The following NSUN3 variants were observed in gnomAD, a reference collection of about 807,000 sequenced individuals.
NSUN3 encodes NOP2/Sun RNA methyltransferase 3, also known as tRNA (cytosine(34)-C(5))-methyltransferase, mitochondrial.
In NSUN3, 24 loss-of-function variants were observed where a neutral mutation model predicts 36.8. The ratio of observed to expected loss-of-function variants is 0.65; its 90% CI spans 0.47 to 0.92. The LOEUF (loss-of-function observed/expected upper bound fraction) is 0.92. Ranked by LOEUF, NSUN3 falls within the 40% of genes least tolerant of loss-of-function variation. The pLI is 0.00. For synonymous variants in NSUN3, 146 were observed against 145.2 expected (o/e 1.01, Z -0.04); for missense variants, 381 against 392.8 (o/e 0.97, Z 0.25).
chr3:94,076,102 G>A (rs771304949), intron 2 of NSUN3: 169 of 1,467,984 alleles, frequency 1.2e-4, no homozygotes, highest in Middle Eastern at 3.8e-4. Context: ...CTGGTGACCC[G>A]TCTTCTGCAT....
rs535916981 is a variant in NSUN3 at position 94,108,161 on chromosome 3, T to G, written c.743+13007T>G. On this transcript the variant is annotated intron_variant, in intron 5 of 5. Coordinates refer to ENST00000314622, the MANE Select transcript of NSUN3 (RefSeq NM_022072.5). ...AGTACAAGGAGCTCCTGTGTGCTCT[T>G]TATAGAGATTCATCAACTGTTTTAC... Among the ~76,000 whole-genome samples, 3 of 152,154 alleles carry G rather than the reference T, an allele frequency of 2.0e-5. No homozygotes were observed. In the East Asian group the frequency reaches 5.8e-4, roughly 29 times the overall value.
At position 94,127,760 on chromosome 3, in the gene NSUN3, A is replaced by G. The variant is rs1364718514; in HGVS notation, c.*1270A>G. Reference sequence around the variant, plus strand: ...GCTGAATACTTTTGAATTGTTCATTATGTTCTGTGCCTTTAAACTAGAGAC... The same window carrying G: ...GCTGAATACTTTTGAATTGTTCATTGTGTTCTGTGCCTTTAAACTAGAGAC... On this transcript the variant is annotated 3_prime_UTR_variant, in exon 6 of 6. Coordinates refer to ENST00000314622, the MANE Select transcript of NSUN3 (RefSeq NM_022072.5). 6.6e-6 allele frequency: 1 copy of G among 152,152 alleles called. No homozygotes were observed. The highest frequency in any genetic ancestry group is 1.5e-5 in the Non-Finnish European group (1 of 68,014). The allele number at this position is 152,152 out of a possible 1,614,324, so 9.4% of individuals were successfully genotyped here. A position where few individuals can be genotyped will look rare whatever the true frequency, so the allele number is the denominator to read the frequency against.
rs1461143010 is a variant in NSUN3, at chr3:94,127,700, T to G, written c.*1210T>G. ...AAAATAGCCTTTAAAAAAAAACAAC[T>G]TTATCTGATTATAGAAATACAAAAT... On this transcript the variant is annotated 3_prime_UTR_variant, in exon 6 of 6. Transcript: ENST00000314622. 1 of 152,140 alleles carries G rather than the reference T, an allele frequency of 6.6e-6. No individual in the cohort carries two copies. Among genetic ancestry groups the G allele is most frequent in the Non-Finnish European group, 1.5e-5 (1 of 68,028 alleles). 9.4% of individuals were successfully genotyped at this position (152,140 alleles called of 1,614,324 possible).
chr3:94,070,969 A>G (rs963633578), intron 2 of NSUN3, among the ~76,000 whole-genome samples: 6 of 152,238 alleles, frequency 3.9e-5, no homozygotes, highest in Admixed American at 3.9e-4. Flanking sequence ...TCAAAGTAAG[A>G]AACATTGCTA....
At chr3:94,106,755 A>G (rs2077391106) in intron 5 of NSUN3, among the ~76,000 whole-genome samples, 1 of 152,154 alleles carries the variant, frequency 6.6e-6, no homozygotes, top group African/African-American at 2.4e-5. Flanking sequence ...GATGAGAAAC[A>G]GGCAGTGGAA....
chr3:94,096,817 TC>T (rs1391095578), intron 5 of NSUN3, among the ~76,000 whole-genome samples: 7 of 152,140 alleles, frequency 4.6e-5, no homozygotes, highest in Non-Finnish European at 8.8e-5. Flanking sequence ...TCTTAATTAT[TC>T]CTGCTACACC....
chr3:94,063,284 A>G, intron 1 of NSUN3, 146 bp downstream of exon 1: 2 of 842,032 alleles, frequency 2.4e-6, no homozygotes, highest in Non-Finnish European at 4.0e-6. Context: ...CTTTACTGTC[A>G]AGCCCTGAAA....
intron 2 of NSUN3, among the ~76,000 whole-genome samples, chr3:94,070,040 T>C (rs2077218994): frequency 6.6e-6 from 1 of 152,242 alleles, no homozygotes; most frequent in South Asian, 2.1e-4. Flanking sequence ...CTTAGGAATT[T>C]ATTTTTCTTT....
At chr3:94,111,346 G>T (rs547119139) in intron 5 of NSUN3, among the ~76,000 whole-genome samples, 2 of 151,978 alleles carry the variant, frequency 1.3e-5, no homozygotes, top group African/African-American at 4.8e-5. Flanking sequence ...CTACTGTAGC[G>T]TTTATAAACT....
intron 5 of NSUN3, among the ~76,000 whole-genome samples, chr3:94,098,948 G>A (rs1269049026): frequency 1.3e-5 from 2 of 152,052 alleles, no homozygotes; most frequent in Non-Finnish European, 2.9e-5. Context: ...TGACAAGACT[G>A]TAAGCCCCAT....
chr3:94,130,848 T>C lies in NSUN3; in HGVS notation c.*4358T>C, dbSNP rs1451880791. 6.6e-6 allele frequency among the ~76,000 whole-genome samples: 1 copy of C among 152,172 alleles called. No homozygotes were observed. The highest frequency in any genetic ancestry group is 1.5e-5 in the Non-Finnish European group (1 of 68,020). Reference sequence around the variant, plus strand: ...TTTGACCTTTTTTAACCTTTCCTGGTCAGGTGCCAGGCCAGTCCTGCAAAG... The same window carrying C: ...TTTGACCTTTTTTAACCTTTCCTGGCCAGGTGCCAGGCCAGTCCTGCAAAG... On this transcript the variant is annotated 3_prime_UTR_variant, in exon 6 of 6. Coordinates refer to ENST00000314622, the MANE Select transcript of NSUN3 (RefSeq NM_022072.5).
chr3:94,114,704 T>C (rs1303152930), intron 5 of NSUN3, among the ~76,000 whole-genome samples: 1 of 152,208 alleles, frequency 6.6e-6, no homozygotes, highest in Non-Finnish European at 1.5e-5. Flanking sequence ...ATACGATTGA[T>C]CCCATCATCC....
Position 94,084,093 on chromosome 3 carries a change from T to C in NSUN3, c.123-14T>C, listed in dbSNP as rs2077282028. 6.3e-7 allele frequency: 1 copy of C among 1,581,402 alleles called. No individual in the cohort carries two copies. The highest frequency in any genetic ancestry group is 1.4e-5 in the African/African-American group (1 of 73,920). ...ATATTAATATTCTCTTATTTTCTCT[T>C]TTTCTATTTCTAGGGAGATACTAAC... On this transcript the variant is annotated splice_polypyrimidine_tract_variant and intron_variant, in intron 2 of 5. Coordinates refer to ENST00000314622, the MANE Select transcript of NSUN3 (RefSeq NM_022072.5).
At chr3:94,124,893 AAAT>A (rs1237434476) in intron 5 of NSUN3, among the ~76,000 whole-genome samples, 1 of 152,110 alleles carries the variant, frequency 6.6e-6, no homozygotes, top group Non-Finnish European at 1.5e-5. Flanking sequence ...GAGGCTCAAT[AAAT>A]AATAATGAGT....
intron 5 of NSUN3, among the ~76,000 whole-genome samples, chr3:94,115,346 G>C (rs1181868790): frequency 6.6e-6 from 1 of 152,084 alleles, no homozygotes; most frequent in Non-Finnish European, 1.5e-5. Context: ...GGAAAAACTT[G>C]CTAATATTGT....
At position 94,107,242 on chromosome 3, in the gene NSUN3, T is replaced by C. The variant is rs566769309; in HGVS notation, c.743+12088T>C. ...CACTGTGCCTGGCCTAATTAAAATA[T>C]TTCTATTGCTGTATCAAATTAGGCA... On this transcript the variant is annotated intron_variant, in intron 5 of 5. Coordinates refer to ENST00000314622, the MANE Select transcript of NSUN3 (RefSeq NM_022072.5). Among the ~76,000 whole-genome samples the C allele has an allele frequency of 3.9e-5, 6 of 152,278 alleles. No individual in the cohort carries two copies. The South Asian group carries it at 1.2e-3, about 32-fold the overall frequency.
intron 5 of NSUN3, among the ~76,000 whole-genome samples, chr3:94,101,466 G>A (rs1432351796): frequency 6.6e-6 from 1 of 151,986 alleles, no homozygotes; most frequent in African/African-American, 2.4e-5. Context: ...ACAGGAGAAA[G>A]ATCTCAAAAC....
chr3:94,064,521 C>T lies in NSUN3; in HGVS notation c.97C>T (p.Leu33Phe). Reference sequence around the variant, plus strand: ...TTTTGAAAAACAGTATTCCAAAGAACTCGGAGATGCCTGGAATACAGTAAG... The same window carrying T: ...TTTTGAAAAACAGTATTCCAAAGAATTCGGAGATGCCTGGAATACAGTAAG... ...DHFEKQYSKELGDAWNTVREI... is the reference protein window; with the variant it reads ...DHFEKQYSKEFGDAWNTVREI... Residue 33 changes from leucine to phenylalanine, a missense_variant, in exon 2 of 6, where the codon CTC becomes TTC. Leu to Phe is a conservative substitution (Grantham distance 22). Coordinates refer to ENST00000314622, the MANE Select transcript of NSUN3 (RefSeq NM_022072.5). The T allele has an allele frequency of 6.2e-7, 1 of 1,607,800 alleles. No individual in the cohort carries two copies. Among genetic ancestry groups the T allele is most frequent in the East Asian group, 2.2e-5 (1 of 44,812 alleles).
At chr3:94,072,141 TAGAC>T (rs754980127) in intron 2 of NSUN3, among the ~76,000 whole-genome samples, 5 of 152,186 alleles carry the variant, frequency 3.3e-5, no homozygotes, top group Non-Finnish European at 5.9e-5. Flanking sequence ...ATTTCATTGT[TAGAC>T]AGAAGAGGGT....
Sources: gnomAD v4.1 joint callset for allele counts (sites outside exome capture counted in the v4.1 genomes callset) on GRCh38, gnomAD v4.1.1 for gene constraint, MANE v1.5 for transcripts, NCBI Gene and HGNC (gene_info 2026-07-23, HGNC 2026-07-21) for gene names.